TSFM: variants seen among roughly 807,000 people sequenced by gnomAD.
TSFM encodes elongation factor Ts, mitochondrial.
In TSFM, 29 loss-of-function variants were observed where a neutral mutation model predicts 33.4. The observed-to-expected ratio is 0.87, with a 90% CI of 0.65 to 1.18. TSFM has a LOEUF of 1.18. Among genes scored for constraint, TSFM ranks in the 50% most tolerant of loss-of-function variants. The pLI, the probability that TSFM is intolerant of heterozygous loss-of-function variation, is 0.00. For missense variants in TSFM, 394 were observed against 395.6 expected (o/e 1.00, Z 0.04); for synonymous variants, 178 against 163.5 (o/e 1.09, Z -0.68).
At chr12:57,801,086 G>T, downstream of TSFM, 1 of 1,436,520 alleles carries the variant, frequency 7.0e-7, no homozygotes. Flanking sequence ...GCATTTGTGT[G>T]TTCTCTGGCT....
Position 57,797,184 on chromosome 12 carries a change from G to A in TSFM, c.*601G>A. On this transcript the variant is annotated 3_prime_UTR_variant, in exon 6 of 6. Transcript: ENST00000652027. ...TTTTGGATGATGTGTGGGTGGGTGG[G>A]TACTGAGGTTTCCTGGCCAGCTGTA... is the stretch of plus-strand genomic sequence containing the variant. 2 of 985,400 alleles carry A rather than the reference G, an allele frequency of 2.0e-6. No individual in the cohort carries two copies. The highest frequency in any genetic ancestry group is 4.7e-5 in the South Asian group (1 of 21,278). The allele number at this position is 985,400 out of a possible 1,614,324, so 61.0% of individuals were successfully genotyped here.
In TSFM at chr12:57,797,298, C is replaced by A; in HGVS notation, c.*715C>A. 3.0e-6 allele frequency: 3 copies of A among 985,328 alleles called. No individual in the cohort carries two copies. The highest frequency in any genetic ancestry group is 3.6e-6 in the Non-Finnish European group (3 of 829,916). The allele number at this position is 985,328 out of a possible 1,614,324, so 61.0% of individuals were successfully genotyped here. On this transcript the variant is annotated 3_prime_UTR_variant, in exon 6 of 6. Coordinates refer to ENST00000652027, the MANE Select transcript of TSFM (RefSeq NM_005726.6). ...TCACTTAACATTGCCTCTTTACTTC[C>A]CCAGTACTGAAACATTTCTTCAAGT...
At chr12:57,802,620 A>C in exon 6 of TSFM, 1 of 701,942 alleles carries the variant, frequency 1.4e-6, no homozygotes, top group Non-Finnish European at 2.6e-6. Flanking sequence ...CTTGCAGAAC[A>C]CCTCCTCTTG....
rs1292388928 is a variant in TSFM, at chr12:57,782,841, C to G, written c.40C>G (p.Arg14Gly). 1.9e-6 allele frequency: 3 copies of G among 1,595,528 alleles called. No homozygotes were observed. Among genetic ancestry groups the G allele is most frequent in the African/African-American group, 1.3e-5 (1 of 74,660 alleles). Residue 14 changes from arginine (R) to glycine (G), a missense_variant, in exon 1 of 6, where the codon CGG becomes GGG. Physicochemically the swap from Arg to Gly is moderately radical, Grantham distance 125. Around this residue, in one of 3 missense-constraint regions of TSFM, gnomAD observed 208 missense variants for 180.4 expected, o/e 1.15. Transcript: ENST00000652027. ...GTCGCTGCGCGTGTTTCTGGTCGCG[C>G]GGACCGGGAGCTACCCGGTGAGAAG... is the stretch of plus-strand genomic sequence containing the variant. ...LRSLRVFLVA[R>G]TGSYPAGSLL...
chr12:57,787,009 C>T lies in TSFM; in HGVS notation c.361-31C>T, dbSNP rs771202965. The stretch of plus-strand genomic sequence containing the variant: ...ACTTTTGGAAATTATCATTAAACAG[C>T]TTATACAGCTATATCAATTTGTTCC... On this transcript the variant is annotated intron_variant, in intron 3 of 5. Coordinates refer to ENST00000652027, the MANE Select transcript of TSFM (RefSeq NM_005726.6). 4 of 1,608,062 alleles carry T rather than the reference C, an allele frequency of 2.5e-6. No individual in the cohort carries two copies. In the South Asian group the frequency reaches 3.3e-5, roughly 13 times the overall value.
chr12:57,799,671 G>A, downstream of TSFM: 1 of 1,383,756 alleles, frequency 7.2e-7, no homozygotes, highest in Non-Finnish European at 9.8e-7. Flanking sequence ...TGAGTTCCTA[G>A]GTAGCTCAGA....
At chr12:57,794,680 C>T (rs1955707150) in intron 5 of TSFM, among the ~76,000 whole-genome samples, 1 of 152,206 alleles carries the variant, frequency 6.6e-6, no homozygotes, top group Non-Finnish European at 1.5e-5. Flanking sequence ...GGTGGGTTAC[C>T]TAAGTTCTCT....
At chr12:57,791,951 T>C (rs145551464) in intron 4 of TSFM, 54 of 376,258 alleles carry the variant, frequency 1.4e-4, no homozygotes, top group African/African-American at 1.1e-3. Flanking sequence ...TATGAAAATA[T>C]TGTTCTTGGC....
rs781607833 is a variant in TSFM, at chr12:57,783,111, C to T, written c.59C>T (p.Ala20Val). ...FLVARTGSYP[A>V]GSLLRQSPQP... Reference sequence around the variant, plus strand: ...TCATCCCTTTCTTATCTCATCTAGGCTGGGTCTCTTCTGCGTCAGTCGCCC... The same window carrying T: ...TCATCCCTTTCTTATCTCATCTAGGTTGGGTCTCTTCTGCGTCAGTCGCCC... The change falls in exon 2 of 6, where the codon GCT becomes GTT. Residue 20 changes from alanine to valine, a missense_variant and splice_region_variant. By Grantham distance (64) the Ala-to-Val change is moderately conservative. Around this residue, in one of 3 missense-constraint regions of TSFM, gnomAD observed 208 missense variants for 180.4 expected, o/e 1.15. Coordinates refer to ENST00000652027, the MANE Select transcript of TSFM (RefSeq NM_005726.6). 51 of 1,608,748 alleles carry T rather than the reference C, an allele frequency of 3.2e-5. 1 individual carries two copies. Among genetic ancestry groups the T allele is most frequent in the Middle Eastern group, 1.7e-4 (1 of 6,060 alleles).
chr12:57,792,008 A>G, intron 4 of TSFM: 1 of 311,644 alleles, frequency 3.2e-6, no homozygotes. Context: ...TGGGAGGCTG[A>G]AGCAGGTGGA....
rs1446316749 is a variant in TSFM at position 57,797,087 on chromosome 12, G to T, written c.*504G>T. ...TGATTGTCTGTAGTATGCTTTGAAG[G>T]TGCTCTGCAGTGGTAGACACACTGG... is the stretch of plus-strand genomic sequence containing the variant. On this transcript the variant is annotated 3_prime_UTR_variant, in exon 6 of 6. Transcript: ENST00000652027. The T allele has an allele frequency of 1.0e-6, 1 of 985,308 alleles. No individual in the cohort carries two copies. The highest frequency in any genetic ancestry group is 1.7e-5 in the African/African-American group (1 of 57,208). The allele number at this position is 985,308 out of a possible 1,614,324, so 61.0% of individuals were successfully genotyped here. A position where few individuals can be genotyped will look rare whatever the true frequency, so the allele number is the denominator to read the frequency against.
rs1955529455 is a variant in TSFM, at chr12:57,782,829, T to A, written c.28T>A (p.Phe10Ile). The A allele has an allele frequency of 6.3e-7, 1 of 1,596,698 alleles. No homozygotes were observed. The highest frequency in any genetic ancestry group is 1.7e-5 in the Admixed American group (1 of 57,506). Reference sequence around the variant, plus strand: ...GTCGCTGCTGCGGTCGCTGCGCGTGTTTCTGGTCGCGCGGACCGGGAGCTA... The same window carrying A: ...GTCGCTGCTGCGGTCGCTGCGCGTGATTCTGGTCGCGCGGACCGGGAGCTA... MSLLRSLRV[F>I]LVARTGSYPA... Residue 10 changes from phenylalanine (F) to isoleucine (I), a missense_variant, in exon 1 of 6, where the codon TTT becomes ATT. Transcript: ENST00000652027.
intron 4 of TSFM, among the ~76,000 whole-genome samples, chr12:57,792,227 G>GAGCGAGACTCCATCTC (rs1955671984): frequency 6.7e-6 from 1 of 148,652 alleles, no homozygotes. Context: ...CTGGGCGGCA[G>GAGCGAGACTCCATCTC]AGCGAGACTC....
intron 5 of TSFM, 76 bp from the exon 6 acceptor site, chr12:57,796,101 C>T: frequency 1.5e-6 from 2 of 1,375,840 alleles, no homozygotes; most frequent in East Asian, 2.3e-5. Flanking sequence ...AACTGGGCCT[C>T]TTCTGTGCAT....
chr12:57,794,333 A>G (rs934394037), intron 5 of TSFM, among the ~76,000 whole-genome samples: 3 of 152,130 alleles, frequency 2.0e-5, no homozygotes, highest in Non-Finnish European at 1.5e-5. Context: ...ACTTATACAG[A>G]CCCTTTTGTT....
chr12:57,793,379 C>T (rs904813609), intron 5 of TSFM, among the ~76,000 whole-genome samples: 12 of 152,280 alleles, frequency 7.9e-5, no homozygotes, highest in Non-Finnish European at 1.2e-4. Flanking sequence ...CCTGCCATCA[C>T]GCCTGGCTAA....
chr12:57,796,114 T>C, intron 5 of TSFM, 63 bp from the exon 6 acceptor site: 1 of 1,456,856 alleles, frequency 6.9e-7, no homozygotes, highest in Non-Finnish European at 9.2e-7. Context: ...CTGTGCATAT[T>C]TTGGTACCAT....
At chr12:57,788,491 G>C (rs532674230) in intron 4 of TSFM, among the ~76,000 whole-genome samples, 1 of 152,046 alleles carries the variant, frequency 6.6e-6, no homozygotes, top group Non-Finnish European at 1.5e-5. Context: ...TGGCCAGGCT[G>C]GTCTTGAACT....
chr12:57,794,672 T>C (rs1396485884), intron 5 of TSFM, among the ~76,000 whole-genome samples: 1 of 152,238 alleles, frequency 6.6e-6, no homozygotes, highest in Non-Finnish European at 1.5e-5. Context: ...TGTTACTAGG[T>C]GGGTTACCTA....
Sources: allele counts gnomAD v4.1 joint callset (sites outside exome capture counted in the v4.1 genomes callset), GRCh38; gene constraint gnomAD v4.1.1; regional missense constraint gnomAD v4.1.1; transcripts MANE v1.5; gene names NCBI Gene and HGNC (gene_info 2026-07-23, HGNC 2026-07-21).